Variants in TF observed in about 807,000 individuals in gnomAD.
TF encodes transferrin.
TF carries 55 observed loss-of-function variants against 82.4 expected under a neutral mutation model. That is an observed-to-expected ratio of 0.67 (90% CI 0.54 to 0.84). The LOEUF is 0.84. Among genes scored for constraint, TF ranks in the 40% least tolerant of loss-of-function variants. The pLI is 0.00. For missense variants in TF, 737 were observed against 868.4 expected (o/e 0.85, Z 1.90); for synonymous variants, 332 against 332.6 (o/e 1.00, Z 0.02).
At chr3:133,768,784 A>ATTTTTTT (rs5852766) in intron 13 of TF, among the ~76,000 whole-genome samples, 1 of 82,168 alleles carries the variant, frequency 1.2e-5, no homozygotes, top group Non-Finnish European at 2.2e-5. Flanking sequence ...GTACCTTGCT[A>ATTTTTTT]TTTTTTTTTT....
intron 14 of TF, chr3:133,773,973 C>G (rs775526216): frequency 3.3e-5 from 5 of 152,376 alleles, no homozygotes; most frequent in Admixed American, 6.5e-5. Context: ...TTCTCCTCCT[C>G]TCATCCTACA....
At chr3:133,717,815 A>G in the TF span, among the ~76,000 whole-genome samples, 1 of 152,218 alleles carries the variant, frequency 6.6e-6, no homozygotes, top group African/African-American at 2.4e-5. Context: ...GGATACAAAA[A>G]TCACATTATA....
At chr3:133,733,872 A>AG in the TF span, among the ~76,000 whole-genome samples, 1 of 97,432 alleles carries the variant, frequency 1.0e-5, no homozygotes, top group Non-Finnish European at 2.0e-5. Context: ...AAAAACAAAA[A>AG]AAAAAAAAAC....
chr3:133,764,343 TCA>T (rs1934071841), intron 10 of TF, 68 bp downstream of exon 10: 3 of 1,335,926 alleles, frequency 2.2e-6, no homozygotes, highest in East Asian at 4.6e-5. Flanking sequence ...GATGGAAAAA[TCA>T]CAGTCTGATT....
chr3:133,684,966 G>A, the TF span, among the ~76,000 whole-genome samples: 1 of 152,178 alleles, frequency 6.6e-6, no homozygotes, highest in Non-Finnish European at 1.5e-5. Flanking sequence ...TAAAATACTG[G>A]CAAACCAAAT....
intron 2 of TF, among the ~76,000 whole-genome samples, chr3:133,749,872 T>C (rs1933611843): frequency 6.6e-6 from 1 of 151,872 alleles, no homozygotes; most frequent in African/African-American, 2.4e-5. Context: ...AAAGGGAGAA[T>C]GAGGGAGGGG....
chr3:133,767,963 T>C, intron 12 of TF, 66 bp from the exon 13 acceptor site: 7 of 1,598,524 alleles, frequency 4.4e-6, no homozygotes, highest in Non-Finnish European at 5.1e-6. Context: ...AGCCCTGTTA[T>C]CTCTTAAATA....
rs1934632608 is a variant in TF at position 133,785,172 on chromosome 3, G to A, written c.*6552G>A. 9.3e-6 allele frequency: 1 copy of A among 106,970 alleles called. No individual in the cohort carries two copies. Among genetic ancestry groups the A allele is most frequent in the Non-Finnish European group, 2.0e-5 (1 of 49,176 alleles). 6.6% of individuals were successfully genotyped at this position (106,970 alleles called of 1,614,324 possible). ...CAGCCGCCCTGTCCGGGAGGGAGGTGGGGGGGTCAGCCCTCCGCCCGGCCA... is the reference window on the plus strand; with the variant it reads ...CAGCCGCCCTGTCCGGGAGGGAGGTAGGGGGGTCAGCCCTCCGCCCGGCCA... On this transcript the variant is annotated 3_prime_UTR_variant, in exon 17 of 17. Transcript: ENST00000402696.
At chr3:133,727,207 C>G in the TF span, among the ~76,000 whole-genome samples, 1 of 151,692 alleles carries the variant, frequency 6.6e-6, no homozygotes, top group African/African-American at 2.4e-5. Flanking sequence ...TCCTGGGTAT[C>G]CTTGTTAACT....
chr3:133,782,969 A>T lies in TF; in HGVS notation c.*4349A>T, dbSNP rs968170805. The T allele has an allele frequency of 6.6e-6, 1 of 152,152 alleles. No individual in the cohort carries two copies. The highest frequency in any genetic ancestry group is 2.1e-4 in the South Asian group (1 of 4,828). The allele number at this position is 152,152 out of a possible 1,614,324, so 9.4% of individuals were successfully genotyped here. Reference sequence around the variant, plus strand: ...GAGGTCGAGGCTGCAGTGAGCAGTGATTTGATCGTGCCACTGCACTCCAGC... The same window carrying T: ...GAGGTCGAGGCTGCAGTGAGCAGTGTTTTGATCGTGCCACTGCACTCCAGC... On this transcript the variant is annotated 3_prime_UTR_variant, in exon 17 of 17. Transcript: ENST00000402696.
Position 133,759,326 on chromosome 3 carries a change from C to G in TF, c.1200C>G (p.Ile400Met), listed in dbSNP as rs765167285. The G allele has an allele frequency of 1.2e-6, 2 of 1,613,436 alleles. No homozygotes were observed. Among genetic ancestry groups the G allele is most frequent in the Non-Finnish European group, 1.7e-6 (2 of 1,179,962 alleles). ...AETTEDCIAK[I>M]MNGEADAMSL... ...CCACCGAAGACTGCATCGCCAAGATCATGGTATGTCACTCCAGCCTTCCTA... is the reference window on the plus strand; with the variant it reads ...CCACCGAAGACTGCATCGCCAAGATGATGGTATGTCACTCCAGCCTTCCTA... Residue 400 changes from isoleucine to methionine, a missense_variant, in exon 9 of 17, where the codon ATC becomes ATG. Coordinates refer to ENST00000402696, the MANE Select transcript of TF (RefSeq NM_001063.4).
At chr3:133,733,922 T>C in the TF span, among the ~76,000 whole-genome samples, 2 of 151,980 alleles carry the variant, frequency 1.3e-5, no homozygotes, top group Non-Finnish European at 2.9e-5. Flanking sequence ...TTGAGGTGGC[T>C]ATGGGCAGTG....
At chr3:133,725,113 G>C in the TF span, among the ~76,000 whole-genome samples, 1 of 152,116 alleles carries the variant, frequency 6.6e-6, no homozygotes, top group Non-Finnish European at 1.5e-5. Context: ...TTGTTCTTTT[G>C]GCTTAGGATT....
intron 16 of TF, 73 bp downstream of exon 16, chr3:133,777,311 A>C: frequency 6.8e-7 from 1 of 1,474,512 alleles, no homozygotes; most frequent in South Asian, 1.2e-5. Flanking sequence ...GGGTGGGTAC[A>C]GGAGGGGTAG....
At chr3:133,769,544 A>C (rs1201400468) in intron 13 of TF, among the ~76,000 whole-genome samples, 1 of 152,246 alleles carries the variant, frequency 6.6e-6, no homozygotes, top group Non-Finnish European at 1.5e-5. Flanking sequence ...CCAGACTGAT[A>C]AAAAGACTCC....
rs1382945661 is a variant in TF, at chr3:133,759,345, C to A, written c.1203+16C>A. 6.2e-7 allele frequency: 1 copy of A among 1,612,936 alleles called. No homozygotes were observed. Among genetic ancestry groups the A allele is most frequent in the Non-Finnish European group, 8.5e-7 (1 of 1,179,978 alleles). ...CAAGATCATGGTATGTCACTCCAGC[C>A]TTCCTAGGGCAGCGTCCCTGTCATT... On this transcript the variant is annotated intron_variant, in intron 9 of 16. Coordinates refer to ENST00000402696, the MANE Select transcript of TF (RefSeq NM_001063.4).
Position 133,792,198 on chromosome 3 carries a change from A to G in TF, c.*13578A>G, listed in dbSNP as rs1396123308. On this transcript the variant is annotated 3_prime_UTR_variant, in exon 17 of 17. Transcript: ENST00000402696. ...GTCCCCTAGCTATGCAAAGAAGGTT[A>G]TAAAGAAAGGAGATTTTATATAAGA... 1.3e-5 allele frequency: 2 copies of G among 152,224 alleles called. No homozygotes were observed. Among genetic ancestry groups the G allele is most frequent in the South Asian group, 4.1e-4 (2 of 4,834 alleles). The allele number at this position is 152,224 out of a possible 1,614,324, so 9.4% of individuals were successfully genotyped here.
Position 133,775,479 on chromosome 3 carries a change from T to C in TF, c.1734T>C (p.Tyr578=), listed in dbSNP as rs773266447. 3 of 1,613,964 alleles carry C rather than the reference T, an allele frequency of 1.9e-6. No individual in the cohort carries two copies. The highest frequency in any genetic ancestry group is 2.5e-6 in the Non-Finnish European group (3 of 1,179,836). Reference sequence around the variant, plus strand: ...CTAAGAATCTGAATGAAAAAGACTATGAGTTGCTGTGCCTTGATGGTACCA... The same window carrying C: ...CTAAGAATCTGAATGAAAAAGACTACGAGTTGCTGTGCCTTGATGGTACCA... The part of the protein sequence containing the change: ...PWAKNLNEKD[Y]ELLCLDGTRK... Residue 578 remains tyrosine, a synonymous_variant, in exon 15 of 17, where the codon TAT becomes TAC. Transcript: ENST00000402696.
At chr3:133,758,607 A>G (rs1045444021) in intron 8 of TF, among the ~76,000 whole-genome samples, 1 of 152,236 alleles carries the variant, frequency 6.6e-6, no homozygotes, top group Admixed American at 6.5e-5. Context: ...CCATGGCCCT[A>G]TGAGACTGCA....
Sources: allele counts gnomAD v4.1 joint callset (sites outside exome capture counted in the v4.1 genomes callset), GRCh38; gene constraint gnomAD v4.1.1; transcripts MANE v1.5; gene names NCBI Gene and HGNC (gene_info 2026-07-23, HGNC 2026-07-21).